Variants in CRACDL observed in about 807,000 individuals in gnomAD.
CRACDL encodes the protein CRACD like, also known as CRACD-like protein.
Under a neutral mutation model 70.6 loss-of-function variants are expected in CRACDL, and 26 were observed. The ratio of observed to expected loss-of-function variants is 0.37; its 90% CI spans 0.27 to 0.51. CRACDL has a LOEUF of 0.51. CRACDL is among the 20% of genes least tolerant of loss of function. CRACDL has a pLI of 0.94. For missense variants in CRACDL, 1,283 were observed against 1,376.9 expected (o/e 0.93, Z 1.08); for synonymous variants, 618 against 615.2 (o/e 1.00, Z -0.07).
chr2:98,897,836 CA>C (rs971695309), intron 1 of CRACDL, among the ~76,000 whole-genome samples: 5 of 152,350 alleles, frequency 3.3e-5, no homozygotes, highest in African/African-American at 9.6e-5. Context: ...AAAACAGAGA[CA>C]GGGGGTGCAG....
At chr2:98,849,568 G>A (rs900633176) in intron 1 of CRACDL, among the ~76,000 whole-genome samples, 1 of 152,020 alleles carries the variant, frequency 6.6e-6, no homozygotes, top group Non-Finnish European at 1.5e-5. Context: ...TGTAGGCGGA[G>A]GGCCGGGGAG....
intron 1 of CRACDL, among the ~76,000 whole-genome samples, chr2:98,872,528 C>G (rs540522017): frequency 1.3e-5 from 2 of 152,136 alleles, no homozygotes; most frequent in African/African-American, 4.8e-5. Flanking sequence ...CACTAGAAGC[C>G]CAAACCTCGC....
At chr2:98,906,293 C>T (rs1421148320) in intron 1 of CRACDL, among the ~76,000 whole-genome samples, 16 of 141,716 alleles carry the variant, frequency 1.1e-4, no homozygotes, top group Non-Finnish European at 1.7e-4. Context: ...GACAGAGTTT[C>T]GCTCTGTCAT....
At chr2:98,798,698 C>CTT (rs963222523) in intron 7 of CRACDL, among the ~76,000 whole-genome samples, 1 of 144,840 alleles carries the variant, frequency 6.9e-6, no homozygotes. Flanking sequence ...CTTTTCTTTT[C>CTT]TTTTTTTTTT....
intron 7 of CRACDL, among the ~76,000 whole-genome samples, chr2:98,807,807 C>T (rs780144704): frequency 5.2e-4 from 79 of 152,296 alleles, no homozygotes; most frequent in Middle Eastern, 3.4e-3. Context: ...CAGACCCTGA[C>T]TTCAAGAAGC....
rs1705330081 is a variant in CRACDL at position 98,826,966 on chromosome 2, C to T, written c.735+9G>A. 1 of 1,604,282 alleles carries T rather than the reference C, an allele frequency of 6.2e-7. No homozygotes were observed. Among genetic ancestry groups the T allele is most frequent in the African/African-American group, 1.3e-5 (1 of 74,726 alleles). On this transcript the variant is annotated intron_variant, in intron 6 of 9. Transcript: ENST00000397899. Reference sequence around the variant, plus strand: ...GCCTGCCTCTGTGTGGAGAAGGAAACCCAATTACCGATGAGAGCCGCCTCA... The same window carrying T: ...GCCTGCCTCTGTGTGGAGAAGGAAATCCAATTACCGATGAGAGCCGCCTCA...
intron 1 of CRACDL, among the ~76,000 whole-genome samples, chr2:98,907,367 T>A (rs1365666236): frequency 6.6e-6 from 1 of 152,180 alleles, no homozygotes; most frequent in African/African-American, 2.4e-5. Flanking sequence ...ACTTCCAGGT[T>A]GTGCTTAGCT....
At chr2:98,871,185 A>G (rs1707333348) in intron 1 of CRACDL, among the ~76,000 whole-genome samples, 1 of 152,260 alleles carries the variant, frequency 6.6e-6, no homozygotes, top group Non-Finnish European at 1.5e-5. Context: ...TCAGAGAACC[A>G]AACGAAAAGG....
intron 1 of CRACDL, among the ~76,000 whole-genome samples, chr2:98,903,342 C>T (rs1286294976): frequency 2.6e-5 from 4 of 152,116 alleles, no homozygotes; most frequent in Non-Finnish European, 5.9e-5. Flanking sequence ...GGACCATGAT[C>T]GGGGGGCTGA....
chr2:98,846,035 T>G (rs1251405553), intron 2 of CRACDL, among the ~76,000 whole-genome samples: 2 of 152,156 alleles, frequency 1.3e-5, no homozygotes, highest in Non-Finnish European at 2.9e-5. Context: ...TCAGTGTAAA[T>G]AAGAGAGAGA....
At position 98,915,755 on chromosome 2, in the gene CRACDL, G is replaced by C; in HGVS notation, c.-11+20183C>G. On this transcript the variant is annotated intron_variant, in intron 1 of 9. Coordinates refer to ENST00000397899, the MANE Select transcript of CRACDL (RefSeq NM_207362.3). Reference sequence around the variant, plus strand: ...GTGGAAGTTAGGCAACACCAACTTCGGACAAGACATCAAGCTTTCTCCAAC... The same window carrying C: ...GTGGAAGTTAGGCAACACCAACTTCCGACAAGACATCAAGCTTTCTCCAAC... Among the ~76,000 whole-genome samples, 2 of 152,080 alleles carry C rather than the reference G, an allele frequency of 1.3e-5. 1 individual carries two copies. Among genetic ancestry groups the C allele is most frequent in the Admixed American group, 1.3e-4 (2 of 15,276 alleles).
chr2:98,927,190 G>A (rs147662913), intron 1 of CRACDL, among the ~76,000 whole-genome samples: 4,242 of 152,268 alleles, frequency 0.028, 81 homozygotes, highest in Middle Eastern at 0.065. Context: ...CTTCCTCCAC[G>A]GCTCCACTAA....
intron 1 of CRACDL, among the ~76,000 whole-genome samples, chr2:98,866,554 C>A: frequency 7.9e-6 from 1 of 126,672 alleles, no homozygotes. Context: ...ATGGCATGAT[C>A]TTGGCTCACT....
chr2:98,919,862 C>A (rs539486749), intron 1 of CRACDL, among the ~76,000 whole-genome samples: 2 of 152,194 alleles, frequency 1.3e-5, no homozygotes, highest in Non-Finnish European at 2.9e-5. Flanking sequence ...AAGCAATCTT[C>A]CCACATCAGC....
chr2:98,913,569 T>C (rs1261610527), intron 1 of CRACDL, among the ~76,000 whole-genome samples: 2 of 151,906 alleles, frequency 1.3e-5, no homozygotes, highest in East Asian at 3.9e-4. Flanking sequence ...AGGAGATAGA[T>C]TGGAGGGTGC....
At chr2:98,810,228 CAG>C (rs1704498612) in intron 7 of CRACDL, among the ~76,000 whole-genome samples, 1 of 152,136 alleles carries the variant, frequency 6.6e-6, no homozygotes, top group Admixed American at 6.5e-5. Flanking sequence ...GGGGTGTGTA[CAG>C]AGTGCCAGGG....
At chr2:98,874,192 T>C (rs1326917432) in intron 1 of CRACDL, among the ~76,000 whole-genome samples, 2 of 152,250 alleles carry the variant, frequency 1.3e-5, no homozygotes, top group Non-Finnish European at 2.9e-5. Context: ...CTGTGTGTTG[T>C]TCAGGGTGAA....
intron 7 of CRACDL, among the ~76,000 whole-genome samples, chr2:98,802,805 C>T (rs1013340689): frequency 1.3e-5 from 2 of 152,166 alleles, no homozygotes; most frequent in Non-Finnish European, 2.9e-5. Context: ...TGAGAGGCAA[C>T]GAGTTGTCGT....
intron 1 of CRACDL, among the ~76,000 whole-genome samples, chr2:98,897,974 C>T (rs1409075874): frequency 6.6e-6 from 1 of 152,222 alleles, no homozygotes; most frequent in Non-Finnish European, 1.5e-5. Context: ...TGATGCTCCC[C>T]AAGCTTTCGC....
Sources: gnomAD v4.1 joint callset for allele counts (sites outside exome capture counted in the v4.1 genomes callset) on GRCh38, gnomAD v4.1.1 for gene constraint, MANE v1.5 for transcripts, NCBI Gene and HGNC (gene_info 2026-07-23, HGNC 2026-07-21) for gene names.